Variants in WSCD2 observed in about 807,000 individuals in gnomAD.
The protein encoded by WSCD2 is WSC domain sialate O sulfotransferase 2.
WSCD2 carries 28 observed loss-of-function variants against 55.7 expected under a neutral mutation model. The observed-to-expected ratio is 0.50, with a 90% CI of 0.37 to 0.69. WSCD2 has a LOEUF of 0.69. WSCD2 is among the 30% of genes least tolerant of loss of function. WSCD2 has a pLI of 0.00. For synonymous variants in WSCD2, 301 were observed against 301.9 expected, an observed-to-expected ratio of 1.00 and a Z score of 0.03; for missense variants, 616 against 762.1, an observed-to-expected ratio of 0.81 and a Z score of 2.26.
intron 1 of WSCD2, among the ~76,000 whole-genome samples, chr12:108,157,019 C>T (rs562612791): frequency 6.6e-6 from 1 of 152,306 alleles, no homozygotes; most frequent in Admixed American, 6.5e-5. Flanking sequence ...TTCCACTTTC[C>T]TCCCCAGGAC....
chr12:108,195,021 G>A (rs1022106519), intron 1 of WSCD2, among the ~76,000 whole-genome samples: 1 of 152,148 alleles, frequency 6.6e-6, no homozygotes, highest in African/African-American at 2.4e-5. Context: ...ACCTGTGCTT[G>A]TCCAAGACAA....
intron 6 of WSCD2, 69 bp downstream of exon 6, chr12:108,227,233 G>A (rs544321437): frequency 9.1e-5 from 141 of 1,542,320 alleles, no homozygotes; most frequent in East Asian, 5.9e-4. Flanking sequence ...ACGTGTTCCT[G>A]CCAGTCCATC....
chr12:108,206,486 G>C (rs557637187), intron 3 of WSCD2, 83 bp downstream of exon 3: 28 of 1,378,132 alleles, frequency 2.0e-5, no homozygotes, highest in Middle Eastern at 1.8e-4. Context: ...GCCCTGCTAT[G>C]GGAGGGTGTG....
chr12:108,224,604 C>T, intron 4 of WSCD2, 135 bp from the exon 5 acceptor site: 1 of 1,170,754 alleles, frequency 8.5e-7, no homozygotes, highest in Non-Finnish European at 1.2e-6. Context: ...GCCACTCTTT[C>T]CATCTCTGCT....
chr12:108,237,850 A>G (rs1273027093), intron 7 of WSCD2, among the ~76,000 whole-genome samples: 1 of 152,212 alleles, frequency 6.6e-6, no homozygotes, highest in Non-Finnish European at 1.5e-5. Context: ...TGACCCCATC[A>G]TGAACAAATA....
intron 6 of WSCD2, among the ~76,000 whole-genome samples, chr12:108,229,309 A>C (rs1440533635): frequency 6.6e-6 from 1 of 152,160 alleles, no homozygotes; most frequent in Non-Finnish European, 1.5e-5. Context: ...TAAATCATCT[A>C]ATCATCCAAA....
chr12:108,177,615 G>A (rs779971759), intron 1 of WSCD2, among the ~76,000 whole-genome samples: 2 of 152,148 alleles, frequency 1.3e-5, no homozygotes, highest in Non-Finnish European at 2.9e-5. Context: ...GTTCAACATT[G>A]TTCAGCCATT....
chr12:108,136,414 T>C (rs575097068), intron 1 of WSCD2, among the ~76,000 whole-genome samples: 1 of 150,868 alleles, frequency 6.6e-6, no homozygotes, highest in African/African-American at 2.4e-5. Context: ...TTCCATTTTC[T>C]TTTCTAATTG....
chr12:108,172,248 G>C (rs947839017), intron 1 of WSCD2, among the ~76,000 whole-genome samples: 2 of 152,122 alleles, frequency 1.3e-5, no homozygotes, highest in African/African-American at 4.8e-5. Flanking sequence ...GTCCTGCCAG[G>C]GTCTGTGCTC....
intron 3 of WSCD2, among the ~76,000 whole-genome samples, chr12:108,208,178 G>A (rs140912155): frequency 6.6e-6 from 1 of 152,224 alleles, no homozygotes; most frequent in Admixed American, 6.5e-5. Context: ...CTGTCCTCAG[G>A]GGGGCTTCCC....
chr12:108,217,413 C>A (rs1278198253), intron 4 of WSCD2, among the ~76,000 whole-genome samples: 3 of 152,124 alleles, frequency 2.0e-5, no homozygotes, highest in Non-Finnish European at 4.4e-5. Flanking sequence ...GCCAGGTGAC[C>A]CATATTGCAG....
At chr12:108,233,046 T>TC (rs1888943554) in intron 7 of WSCD2, 151 bp downstream of exon 7, 1 of 1,011,766 alleles carries the variant, frequency 9.9e-7, no homozygotes, top group South Asian at 1.8e-5. Context: ...GCATGCTTGG[T>TC]ACCCCCCCAC....
intron 4 of WSCD2, among the ~76,000 whole-genome samples, chr12:108,216,285 G>A (rs561107487): frequency 2.6e-5 from 4 of 152,276 alleles, no homozygotes; most frequent in African/African-American, 9.6e-5. Flanking sequence ...CACCTCATAG[G>A]TTGCTGTGAG....
chr12:108,165,679 A>G (rs1483737743), intron 1 of WSCD2, among the ~76,000 whole-genome samples: 3 of 152,188 alleles, frequency 2.0e-5, no homozygotes, highest in African/African-American at 4.8e-5. Context: ...CATATCCCAA[A>G]CTTAAATAAT....
In WSCD2 at chr12:108,210,209, G is replaced by A. The variant is rs763751722; in HGVS notation, c.586G>A (p.Asp196Asn). 72 of 1,613,892 alleles carry A rather than the reference G, an allele frequency of 4.5e-5. No homozygotes were observed. In the East Asian group the frequency reaches 1.1e-3, roughly 25 times the overall value. Residue 196 changes from aspartate to asparagine, a missense_variant, in exon 4 of 9, where the codon GAC (aspartate) becomes AAC (asparagine). Asp to Asn is a conservative substitution (Grantham distance 23, BLOSUM62 1). Coordinates refer to ENST00000547525, the MANE Select transcript of WSCD2 (RefSeq NM_014653.4). The surrounding 1 kb of genome is among the most constrained non-coding windows in gnomAD (Gnocchi z 4.3). The stretch of plus-strand genomic sequence containing the variant: ...GACGAACGTGAGCGAGGCAGAGTGC[G>A]ACATGGAGTGCAAGGGCGAGCGAGG... The part of the protein sequence containing the change: ...QATNVSEAEC[D>N]MECKGERGSV...
intron 4 of WSCD2, among the ~76,000 whole-genome samples, chr12:108,214,816 C>T (rs1464894577): frequency 1.3e-5 from 2 of 152,198 alleles, no homozygotes; most frequent in African/African-American, 4.8e-5. Flanking sequence ...TACACTATCA[C>T]TGAAAAAATA....
In WSCD2 at chr12:108,174,167, A is replaced by G. The variant is rs140527997; in HGVS notation, c.-551-21115A>G. Among the ~76,000 whole-genome samples, 163 of 152,226 alleles carry G rather than the reference A, an allele frequency of 1.1e-3. 1 individual carries two copies. Among genetic ancestry groups the G allele is most frequent in the Middle Eastern group, 3.4e-3 (1 of 294 alleles). Reference sequence around the variant, plus strand: ...CTGAGCAGGATTTGGATGTTAGTCTATCTTGCATCAAAGTCCACACTCCTT... The same window carrying G: ...CTGAGCAGGATTTGGATGTTAGTCTGTCTTGCATCAAAGTCCACACTCCTT... On this transcript the variant is annotated intron_variant, in intron 1 of 8. Transcript: ENST00000547525.
chr12:108,227,988 A>G (rs1888326440), intron 6 of WSCD2, among the ~76,000 whole-genome samples: 1 of 135,280 alleles, frequency 7.4e-6, no homozygotes, highest in African/African-American at 2.8e-5. Context: ...CTTCATATAC[A>G]TGTTTTCATT....
At chr12:108,237,085 C>T (rs546457068) in intron 7 of WSCD2, among the ~76,000 whole-genome samples, 1 of 152,342 alleles carries the variant, frequency 6.6e-6, no homozygotes, top group South Asian at 2.1e-4. Flanking sequence ...CAAAACAAAT[C>T]CCAGTGTCCT....
Sources: gnomAD v4.1 joint callset for allele counts (sites outside exome capture counted in the v4.1 genomes callset) on GRCh38, gnomAD v4.1.1 for gene constraint, Gnocchi (gnomAD v3.1) non-coding constraint, MANE v1.5 for transcripts, NCBI Gene and HGNC (gene_info 2026-07-23, HGNC 2026-07-21) for gene names.